The following EPHB1 variants were observed in gnomAD, a reference collection of about 807,000 sequenced individuals.
EPHB1 encodes the protein ephrin type-B receptor 1.
Under a neutral mutation model 94.4 loss-of-function variants are expected in EPHB1, and 30 were observed. The observed-to-expected ratio is 0.32, with a 90% CI of 0.24 to 0.43. The LOEUF (loss-of-function observed/expected upper bound fraction) is 0.43. Ranked by LOEUF, EPHB1 falls within the 20% of genes least tolerant of loss-of-function variation. The probability of loss-of-function intolerance (pLI) is 1.00; values close to 1 mark genes in which losing one functional copy is unlikely to be tolerated. For missense variants in EPHB1, 1,055 were observed against 1,308.3 expected (o/e 0.81, Z 2.99); for synonymous variants, 522 against 489.1 (o/e 1.07, Z -0.89).
chr3:134,877,344 C>A (rs7625475), intron 1 of EPHB1, among the ~76,000 whole-genome samples: 9,987 of 152,226 alleles, frequency 0.066, 1,041 homozygotes, highest in African/African-American at 0.23. Flanking sequence ...TGGGCCCTTC[C>A]CTGTTATTTT....
At chr3:135,038,750 C>T (rs1402435378) in intron 3 of EPHB1, among the ~76,000 whole-genome samples, 1 of 152,146 alleles carries the variant, frequency 6.6e-6, no homozygotes, top group South Asian at 2.1e-4. Flanking sequence ...GTGAGTGTTA[C>T]AGCTCATAAA....
intron 1 of EPHB1, among the ~76,000 whole-genome samples, chr3:134,855,953 C>T (rs1023592446): frequency 6.6e-6 from 1 of 152,118 alleles, no homozygotes; most frequent in Non-Finnish European, 1.5e-5. Context: ...AGTCAGATAA[C>T]TTATTCAAGG....
chr3:135,162,037 C>A lies in EPHB1; in HGVS notation c.1442C>A (p.Ser481Tyr). The change falls in exon 7 of 16, where the codon TCC (serine) becomes TAC (tyrosine). Residue 481 changes from serine (S) to tyrosine (Y), a missense_variant. By Grantham distance (144) the Ser-to-Tyr change is moderately radical (BLOSUM62 -2). Transcript: ENST00000398015. ...TTTTAGGAACACAATGAGTTCAACTCCTCCATGGCCAGGAGTCAGACCAAC... is the reference window on the plus strand; with the variant it reads ...TTTTAGGAACACAATGAGTTCAACTACTCCATGGCCAGGAGTCAGACCAAC... ...YYEKEHNEFN[S>Y]SMARSQTNTA... The A allele has an allele frequency of 6.2e-7, 1 of 1,611,678 alleles. No homozygotes were observed. The highest frequency in any genetic ancestry group is 8.5e-7 in the Non-Finnish European group (1 of 1,178,866).
chr3:134,934,727 G>C (rs1009835796), intron 2 of EPHB1, among the ~76,000 whole-genome samples: 1 of 152,148 alleles, frequency 6.6e-6, no homozygotes, highest in Admixed American at 6.5e-5. Flanking sequence ...GAAAGAGAGA[G>C]AGAGAGAAGC....
chr3:134,863,462 A>G (rs2037308756), intron 1 of EPHB1, among the ~76,000 whole-genome samples: 2 of 152,216 alleles, frequency 1.3e-5, no homozygotes, highest in Non-Finnish European at 2.9e-5. Flanking sequence ...TTTAAACCTC[A>G]TGTGCGCTTT....
rs185641837 is a variant in EPHB1, at chr3:135,111,788, T to C, written c.961+5185T>C. ...TCCACCTCCCAGGTTCAAGCGATTC[T>C]CCTGCCTCAGCCTCCCGAGTAGCTG... On this transcript the variant is annotated intron_variant, in intron 4 of 15. Coordinates refer to ENST00000398015, the MANE Select transcript of EPHB1 (RefSeq NM_004441.5). Among the ~76,000 whole-genome samples the C allele has an allele frequency of 4.9e-3, 751 of 152,296 alleles. 6 individuals carry two copies. The highest frequency in any genetic ancestry group is 0.017 in the African/African-American group (715 of 41,548).
chr3:135,179,716 G>C, intron 9 of EPHB1, 144 bp from the exon 10 acceptor site: 1 of 849,112 alleles, frequency 1.2e-6, no homozygotes, highest in Non-Finnish European at 1.9e-6. Context: ...GGCCCAGCAA[G>C]AGGAGGAGAG....
In EPHB1 at chr3:134,795,548, A is replaced by C; in HGVS notation, c.-84A>C. ...AAGGATACCGAGAAGCCACCCGCGGAGAGCGCAGCGGCGCCCTGGGACGCG... is the reference window on the plus strand; with the variant it reads ...AAGGATACCGAGAAGCCACCCGCGGCGAGCGCAGCGGCGCCCTGGGACGCG... On this transcript the variant is annotated 5_prime_UTR_variant, in exon 1 of 16. Coordinates refer to ENST00000398015, the MANE Select transcript of EPHB1 (RefSeq NM_004441.5). 7.5e-7 allele frequency: 1 copy of C among 1,338,336 alleles called. No homozygotes were observed. The highest frequency in any genetic ancestry group is 2.5e-5 in the East Asian group (1 of 40,064). 82.9% of individuals were successfully genotyped at this position (1,338,336 alleles called of 1,614,324 possible). A position where few individuals can be genotyped will look rare whatever the true frequency, so the allele number is the denominator to read the frequency against.
chr3:134,966,308 G>A (rs967078055), intron 3 of EPHB1, among the ~76,000 whole-genome samples: 4 of 152,244 alleles, frequency 2.6e-5, no homozygotes, highest in African/African-American at 9.6e-5. Context: ...AAGGGACAAG[G>A]AGGGGGCCTT....
At chr3:134,803,989 T>C (rs2035982601) in intron 1 of EPHB1, among the ~76,000 whole-genome samples, 1 of 151,958 alleles carries the variant, frequency 6.6e-6, no homozygotes, top group East Asian at 1.9e-4. Flanking sequence ...ACTTTTTCCT[T>C]CTCGGTTTGC....
chr3:134,809,041 A>G (rs1346981131), intron 1 of EPHB1, among the ~76,000 whole-genome samples: 1 of 152,248 alleles, frequency 6.6e-6, no homozygotes, highest in Admixed American at 6.5e-5. Context: ...ACTCATAGGT[A>G]CAATGAGCTG....
intron 2 of EPHB1, among the ~76,000 whole-genome samples, chr3:134,928,823 G>T (rs187587): frequency 0.026 from 3,919 of 152,074 alleles, 162 homozygotes; most frequent in African/African-American, 0.09. Flanking sequence ...ACCTGACCAG[G>T]AGACTGGGAA....
intron 3 of EPHB1, among the ~76,000 whole-genome samples, chr3:135,033,808 A>G (rs1936562860): frequency 1.3e-5 from 2 of 152,202 alleles, no homozygotes; most frequent in Admixed American, 6.5e-5. Flanking sequence ...TATTGCATGG[A>G]GAAGGCACCA....
Position 135,029,134 on chromosome 3 carries a change from G to A in EPHB1, c.805+77082G>A, listed in dbSNP as rs1359961867. Reference sequence around the variant, plus strand: ...CTATGTGTGTCTCTGCACGTGAGATGGGTTTCTTGAATACAGCACACTGAT... The same window carrying A: ...CTATGTGTGTCTCTGCACGTGAGATAGGTTTCTTGAATACAGCACACTGAT... On this transcript the variant is annotated intron_variant, in intron 3 of 15. Transcript: ENST00000398015. 2.1e-4 allele frequency among the ~76,000 whole-genome samples: 12 copies of A among 58,444 alleles called. No homozygotes were observed. The East Asian group carries it at 6.8e-3, about 33-fold the overall frequency. The allele number at this position is 58,444 out of a possible 152,430, so 38.3% of individuals were successfully genotyped here.
chr3:135,170,127 A>C (rs1034160277), intron 9 of EPHB1, among the ~76,000 whole-genome samples: 3 of 152,192 alleles, frequency 2.0e-5, no homozygotes, highest in African/African-American at 7.2e-5. Flanking sequence ...TTGTTCATTA[A>C]TGCCTGAGAG....
intron 1 of EPHB1, among the ~76,000 whole-genome samples, chr3:134,916,191 C>G (rs2038564588): frequency 6.6e-6 from 1 of 151,634 alleles, no homozygotes; most frequent in Non-Finnish European, 1.5e-5. Context: ...GTTTACAAAC[C>G]TTGAGCTAGA....
At position 135,031,577 on chromosome 3, in the gene EPHB1, C is replaced by G. The variant is rs567577117; in HGVS notation, c.806-74871C>G. On this transcript the variant is annotated intron_variant, in intron 3 of 15. Coordinates refer to ENST00000398015, the MANE Select transcript of EPHB1 (RefSeq NM_004441.5). Reference sequence around the variant, plus strand: ...TGCCTGCCTGGATCTCCCAAATTGCCGGGGTTATAGGCATGAGCCACTGCA... The same window carrying G: ...TGCCTGCCTGGATCTCCCAAATTGCGGGGGTTATAGGCATGAGCCACTGCA... 4.6e-5 allele frequency among the ~76,000 whole-genome samples: 7 copies of G among 152,288 alleles called. No homozygotes were observed. The South Asian group carries it at 1.5e-3, about 32-fold the overall frequency.
intron 7 of EPHB1, among the ~76,000 whole-genome samples, chr3:135,163,251 G>A (rs1193117646): frequency 6.6e-6 from 1 of 152,168 alleles, no homozygotes; most frequent in Non-Finnish European, 1.5e-5. Flanking sequence ...GGATGTTGAT[G>A]TTCTTGTGAA....
At chr3:135,251,341 G>GAAAA (rs1223130109) in intron 15 of EPHB1, among the ~76,000 whole-genome samples, 1 of 152,178 alleles carries the variant, frequency 6.6e-6, no homozygotes, top group Non-Finnish European at 1.5e-5. Context: ...TTCAGGGATA[G>GAAAA]AAATGGGTGT....
Sources: gnomAD v4.1 joint callset for allele counts (sites outside exome capture counted in the v4.1 genomes callset) on GRCh38, gnomAD v4.1.1 for gene constraint, MANE v1.5 for transcripts, NCBI Gene and HGNC (gene_info 2026-07-23, HGNC 2026-07-21) for gene names.